The following DLG2 variants were observed in gnomAD, a reference collection of about 807,000 sequenced individuals.
DLG2 encodes disks large homolog 2.
In DLG2, 45 loss-of-function variants were observed where a neutral mutation model predicts 132.5. That is an observed-to-expected ratio of 0.34 (90% CI 0.27 to 0.44). The LOEUF (loss-of-function observed/expected upper bound fraction) is 0.44. Among genes scored for constraint, DLG2 ranks in the 20% least tolerant of loss-of-function variants. The pLI is 1.00. For missense variants in DLG2, 1,045 were observed against 1,196.9 expected, an observed-to-expected ratio of 0.87 and a Z score of 1.87; for synonymous variants, 424 against 419.6, an observed-to-expected ratio of 1.01 and a Z score of -0.13.
chr11:83,539,243 G>A (rs773539031), intron 20 of DLG2, among the ~76,000 whole-genome samples: 27 of 152,064 alleles, frequency 1.8e-4, no homozygotes, highest in Non-Finnish European at 3.5e-4. Flanking sequence ...TCATCTCATG[G>A]TTTCATTTGG....
intron 6 of DLG2, among the ~76,000 whole-genome samples, chr11:85,102,302 A>G (rs893451037): frequency 6.6e-6 from 1 of 152,038 alleles, no homozygotes; most frequent in Non-Finnish European, 1.5e-5. Context: ...TCATCTGTCA[A>G]ACAAGGTAAG....
chr11:85,041,287 T>C (rs181109959), intron 6 of DLG2, among the ~76,000 whole-genome samples: 28 of 152,114 alleles, frequency 1.8e-4, no homozygotes, highest in African/African-American at 6.0e-4. Context: ...TTAGATTTTA[T>C]TGACACTGGT....
intron 3 of DLG2, among the ~76,000 whole-genome samples, chr11:85,560,447 CA>C (rs991993014): frequency 2.0e-5 from 3 of 151,806 alleles, no homozygotes; most frequent in African/African-American, 7.2e-5. Flanking sequence ...GGATGAACCT[CA>C]AAAACATTAT....
chr11:85,306,717 C>T (rs1049738865), intron 3 of DLG2, among the ~76,000 whole-genome samples: 5 of 152,150 alleles, frequency 3.3e-5, no homozygotes, highest in South Asian at 2.1e-4. Context: ...GGACTACCAG[C>T]GCCCACCACC....
chr11:84,360,203 A>G (rs571563985), intron 7 of DLG2, among the ~76,000 whole-genome samples: 3 of 151,950 alleles, frequency 2.0e-5, no homozygotes, highest in Non-Finnish European at 4.4e-5. Flanking sequence ...TAGCCACATT[A>G]TCTCAATTTT....
rs1191340038 is a variant in DLG2 at position 85,518,236 on chromosome 11, C to A, written c.40+80421G>T. 2.0e-5 allele frequency among the ~76,000 whole-genome samples: 3 copies of A among 152,222 alleles called. No individual in the cohort carries two copies. In the Middle Eastern group the frequency reaches 0.01, roughly 518 times the overall value. ...AAAAGTTTGGAGGGCTCAAAGAAGA[C>A]AGGAAAATGTGGGAAAGTTCGGAAC... On this transcript the variant is annotated intron_variant, in intron 3 of 27. Coordinates refer to ENST00000376104, the MANE Select transcript of DLG2 (RefSeq NM_001142699.3).
chr11:83,616,201 G>A (rs1302332743), intron 19 of DLG2, among the ~76,000 whole-genome samples: 1 of 152,142 alleles, frequency 6.6e-6, no homozygotes, highest in Admixed American at 6.6e-5. Flanking sequence ...ATGCTGCCAT[G>A]CACATCCCTG....
At position 84,614,424 on chromosome 11, in the gene DLG2, G is replaced by T. The variant is rs567642127; in HGVS notation, c.358-79693C>A. Among the ~76,000 whole-genome samples the T allele has an allele frequency of 1.8e-3, 269 of 152,282 alleles. 1 individual carries two copies. In the Middle Eastern group the frequency reaches 0.027, roughly 15 times the overall value. Reference sequence around the variant, plus strand: ...TGTGGAAGGGGCAATTAAAGTCAAGGTCAGACAGACAAGGAGAAGCTAGAC... The same window carrying T: ...TGTGGAAGGGGCAATTAAAGTCAAGTTCAGACAGACAAGGAGAAGCTAGAC... On this transcript the variant is annotated intron_variant, in intron 6 of 27. Transcript: ENST00000376104.
At chr11:84,294,949 G>A (rs181975489) in intron 7 of DLG2, among the ~76,000 whole-genome samples, 22 of 152,274 alleles carry the variant, frequency 1.4e-4, no homozygotes, top group Admixed American at 1.3e-3. Flanking sequence ...ACTTTCAGAG[G>A]TGTAAGTGAA....
chr11:85,429,727 T>C (rs1432114713), intron 3 of DLG2, among the ~76,000 whole-genome samples: 1 of 152,190 alleles, frequency 6.6e-6, no homozygotes, highest in Admixed American at 6.5e-5. Context: ...GGAGAGGATG[T>C]GGACAAATGG....
intron 10 of DLG2, among the ~76,000 whole-genome samples, chr11:84,072,052 G>A (rs1419795208): frequency 6.6e-6 from 1 of 152,234 alleles, no homozygotes; most frequent in African/African-American, 2.4e-5. Context: ...TGTCTCTGCT[G>A]AAGGGAGTGT....
chr11:84,452,478 G>A (rs754253993), intron 7 of DLG2, among the ~76,000 whole-genome samples: 10 of 151,834 alleles, frequency 6.6e-5, no homozygotes, highest in Non-Finnish European at 1.2e-4. Flanking sequence ...GGGGATCAAG[G>A]CTTGGAGCAG....
chr11:85,139,956 GTCCTCCCAGGC>G (rs995137867), intron 5 of DLG2, among the ~76,000 whole-genome samples: 23 of 151,976 alleles, frequency 1.5e-4, no homozygotes, highest in African/African-American at 5.5e-4. Context: ...TTAGCATAAT[GTCCTCCCAGGC>G]TCCTCCATGT....
At chr11:85,017,800 G>A (rs1411782696) in intron 6 of DLG2, among the ~76,000 whole-genome samples, 3 of 152,070 alleles carry the variant, frequency 2.0e-5, no homozygotes, top group Admixed American at 6.6e-5. Context: ...GAACACATTT[G>A]CCCCAATTAC....
chr11:84,084,311 A>G (rs2096943640), intron 10 of DLG2, among the ~76,000 whole-genome samples: 1 of 152,138 alleles, frequency 6.6e-6, no homozygotes, highest in Non-Finnish European at 1.5e-5. Flanking sequence ...AATTCTAAAA[A>G]GTTTATATTC....
chr11:84,464,127 C>T (rs553624509), intron 7 of DLG2, among the ~76,000 whole-genome samples: 3 of 151,338 alleles, frequency 2.0e-5, no homozygotes, highest in East Asian at 2.0e-4. Context: ...ATTCGACAGA[C>T]ATTACTGAGA....
chr11:84,487,811 G>GA (rs1444011412), intron 7 of DLG2, among the ~76,000 whole-genome samples: 1 of 152,110 alleles, frequency 6.6e-6, no homozygotes, highest in African/African-American at 2.4e-5. Context: ...AAATGGCATT[G>GA]AAAAACAGGA....
intron 7 of DLG2, among the ~76,000 whole-genome samples, chr11:84,460,319 C>T (rs1433294686): frequency 6.7e-6 from 1 of 150,294 alleles, no homozygotes; most frequent in South Asian, 2.1e-4. Flanking sequence ...TATTTTTGTT[C>T]TTATCATTTT....
At chr11:84,648,770 T>C in intron 6 of DLG2, among the ~76,000 whole-genome samples, 1 of 135,750 alleles carries the variant, frequency 7.4e-6, no homozygotes, top group Non-Finnish European at 1.6e-5. Flanking sequence ...TATATATACA[T>C]GTGTGTGTAT....
Sources: allele counts gnomAD v4.1 joint callset (sites outside exome capture counted in the v4.1 genomes callset), GRCh38; gene constraint gnomAD v4.1.1; transcripts MANE v1.5; gene names NCBI Gene and HGNC (gene_info 2026-07-23, HGNC 2026-07-21).